The following ST6GAL1 variants were observed in gnomAD, a reference collection of about 807,000 sequenced individuals.
ST6GAL1 encodes beta-galactoside alpha-2,6-sialyltransferase 1.
A neutral mutation model predicts 38.0 loss-of-function variants in ST6GAL1; 20 were observed. The observed-to-expected ratio is 0.53, with a 90% CI of 0.37 to 0.77. The LOEUF (loss-of-function observed/expected upper bound fraction) is 0.77. Among genes scored for constraint, ST6GAL1 ranks in the 30% least tolerant of loss-of-function variants. ST6GAL1 has a pLI of 0.00. For missense variants in ST6GAL1, 432 were observed against 496.4 expected (o/e 0.87, Z 1.23); for synonymous variants, 196 against 188.2 (o/e 1.04, Z -0.34).
At chr3:187,034,966 CTCTT>C (rs1717878999) in intron 2 of ST6GAL1, among the ~76,000 whole-genome samples, 1 of 152,178 alleles carries the variant, frequency 6.6e-6, no homozygotes, top group Admixed American at 6.6e-5. Context: ...CAAACTGTCT[CTCTT>C]TGCTGACAAT....
intron 2 of ST6GAL1, among the ~76,000 whole-genome samples, chr3:187,019,005 T>C (rs1717208572): frequency 6.6e-6 from 1 of 152,252 alleles, no homozygotes. Flanking sequence ...GCTAAACTTT[T>C]ATCAACTGAC....
chr3:186,978,197 C>T (rs1255809528), intron 2 of ST6GAL1, among the ~76,000 whole-genome samples: 2 of 151,850 alleles, frequency 1.3e-5, no homozygotes, highest in Admixed American at 1.3e-4. Context: ...GGTGACAGAG[C>T]GAGACTCCGT....
chr3:187,035,628 C>T (rs957901481), intron 2 of ST6GAL1, among the ~76,000 whole-genome samples: 2 of 152,010 alleles, frequency 1.3e-5, no homozygotes, highest in African/African-American at 4.8e-5. Context: ...ATCTTTAACA[C>T]AGTCAACAAA....
At chr3:186,968,640 A>ATT (rs142342973) in intron 2 of ST6GAL1, among the ~76,000 whole-genome samples, 1 of 149,158 alleles carries the variant, frequency 6.7e-6, no homozygotes, top group African/African-American at 2.5e-5. Context: ...TACAGCATGC[A>ATT]TTTTTTTTTC....
intron 2 of ST6GAL1, among the ~76,000 whole-genome samples, chr3:187,016,134 G>A (rs1332405458): frequency 6.6e-6 from 1 of 152,188 alleles, no homozygotes; most frequent in Non-Finnish European, 1.5e-5. Flanking sequence ...CGCAGACCCA[G>A]CAGGTGCTTC....
Position 187,038,854 on chromosome 3 carries a change from G to C in ST6GAL1, c.-70G>C, listed in dbSNP as rs556928179. The C allele has an allele frequency of 6.6e-6, 1 of 152,362 alleles. No individual in the cohort carries two copies. Among genetic ancestry groups the C allele is most frequent in the East Asian group, 1.9e-4 (1 of 5,176 alleles). 9.4% of individuals were successfully genotyped at this position (152,362 alleles called of 1,614,324 possible). ...AGGACCTGAAGGGCCTGCCGCCCCT[G>C]GGGGATTAGCCAGAAGCAGGTAAGG... On this transcript the variant is annotated 5_prime_UTR_variant, in exon 3 of 8. Transcript: ENST00000169298.
At chr3:187,038,152 C>T (rs960712105) in intron 2 of ST6GAL1, among the ~76,000 whole-genome samples, 11 of 151,566 alleles carry the variant, frequency 7.3e-5, no homozygotes, top group Admixed American at 1.3e-4. Context: ...CCATGGTGGC[C>T]GCTTTAGCTT....
At chr3:187,039,091 T>C (rs79951406) in intron 3 of ST6GAL1, among the ~76,000 whole-genome samples, 4,858 of 152,280 alleles carry the variant, frequency 0.032, 285 homozygotes, top group African/African-American at 0.11. Context: ...CTATTAACTA[T>C]ATAAGATTTA....
At chr3:186,973,794 G>A (rs1247159625) in intron 2 of ST6GAL1, among the ~76,000 whole-genome samples, 1 of 152,128 alleles carries the variant, frequency 6.6e-6, no homozygotes, top group Non-Finnish European at 1.5e-5. Context: ...AACGGGACAT[G>A]TGCCTTACCC....
chr3:186,937,035 C>T (rs35421942), intron 1 of ST6GAL1, among the ~76,000 whole-genome samples: 92,276 of 149,338 alleles, frequency 0.62, 28,606 homozygotes, highest in African/African-American at 0.67. Flanking sequence ...AAAAAAATTC[C>T]GCTATCCAAA....
At chr3:187,021,755 A>C (rs1029092144) in intron 2 of ST6GAL1, 3 of 152,020 alleles carry the variant, frequency 2.0e-5, no homozygotes, top group Non-Finnish European at 4.4e-5. Context: ...AAAAAAAAAA[A>C]AAAAAACCTT....
intron 2 of ST6GAL1, among the ~76,000 whole-genome samples, chr3:186,992,007 TG>T (rs1716187753): frequency 6.6e-6 from 1 of 152,178 alleles, no homozygotes; most frequent in South Asian, 2.1e-4. Flanking sequence ...ATCCTGAGGT[TG>T]GGAATCCAGT....
chr3:187,039,307 A>G (rs1354769577), intron 3 of ST6GAL1, among the ~76,000 whole-genome samples: 2 of 152,164 alleles, frequency 1.3e-5, no homozygotes, highest in African/African-American at 2.4e-5. Flanking sequence ...GATGATTGTA[A>G]AGATTCTCTG....
Position 187,077,174 on chromosome 3 carries a change from C to T in ST6GAL1, c.*1371C>T, listed in dbSNP as rs1719592895. ...AGAGGTGTGGTAGCAGATTGCAATGCTCTGCACCTCTTCCTTGCAAGTGAG... is the reference window on the plus strand; with the variant it reads ...AGAGGTGTGGTAGCAGATTGCAATGTTCTGCACCTCTTCCTTGCAAGTGAG... On this transcript the variant is annotated 3_prime_UTR_variant, in exon 8 of 8. Coordinates refer to ENST00000169298, the MANE Select transcript of ST6GAL1 (RefSeq NM_173216.2). 2.5e-6 allele frequency: 1 copy of T among 393,692 alleles called. No individual in the cohort carries two copies. The highest frequency in any genetic ancestry group is 4.5e-6 in the Non-Finnish European group (1 of 223,454). 24.4% of individuals were successfully genotyped at this position (393,692 alleles called of 1,614,324 possible).
At chr3:186,993,033 C>T (rs1473410849) in intron 2 of ST6GAL1, among the ~76,000 whole-genome samples, 1 of 151,982 alleles carries the variant, frequency 6.6e-6, no homozygotes, top group Non-Finnish European at 1.5e-5. Context: ...AGCTGTTCCC[C>T]GCTCCCTCCC....
chr3:187,059,125 GTT>G (rs1378300032), intron 5 of ST6GAL1, among the ~76,000 whole-genome samples: 1 of 151,760 alleles, frequency 6.6e-6, no homozygotes, highest in Non-Finnish European at 1.5e-5. Flanking sequence ...TGAGGGAGGC[GTT>G]ACACCACTCC....
At chr3:186,966,190 G>A (rs1425993812) in intron 2 of ST6GAL1, among the ~76,000 whole-genome samples, 3 of 152,164 alleles carry the variant, frequency 2.0e-5, no homozygotes, top group Non-Finnish European at 4.4e-5. Context: ...GTGAGCCATC[G>A]TGCCCGACCT....
chr3:186,985,135 C>T (rs942673876), intron 2 of ST6GAL1, among the ~76,000 whole-genome samples: 1 of 151,932 alleles, frequency 6.6e-6, no homozygotes, highest in Non-Finnish European at 1.5e-5. Flanking sequence ...TCTCGAACTC[C>T]TGACCTCAAG....
At chr3:187,047,982 G>A (rs1362746963) in intron 4 of ST6GAL1, among the ~76,000 whole-genome samples, 1 of 141,574 alleles carries the variant, frequency 7.1e-6, no homozygotes, top group Non-Finnish European at 1.5e-5. Context: ...TTGCTCTGTT[G>A]CCCAGGCTGG....
Sources: allele counts gnomAD v4.1 joint callset (sites outside exome capture counted in the v4.1 genomes callset), GRCh38; gene constraint gnomAD v4.1.1; transcripts MANE v1.5; gene names NCBI Gene and HGNC (gene_info 2026-07-23, HGNC 2026-07-21).